The following GRHL1 variants were observed in gnomAD, a reference collection of about 807,000 sequenced individuals.
The protein encoded by GRHL1 is grainyhead-like protein 1 homolog.
Under a neutral mutation model 75.7 loss-of-function variants are expected in GRHL1, and 38 were observed. The observed-to-expected ratio is 0.50, with a 90% CI of 0.39 to 0.66. The LOEUF is 0.66. Among genes scored for constraint, GRHL1 ranks in the 30% least tolerant of loss-of-function variants. The probability of loss-of-function intolerance (pLI) is 0.00; values close to 1 mark genes in which losing one functional copy is unlikely to be tolerated. For synonymous variants in GRHL1, 266 were observed against 279.4 expected, an observed-to-expected ratio of 0.95 and a Z score of 0.48; for missense variants, 589 against 767.5, an observed-to-expected ratio of 0.77 and a Z score of 2.75.
rs1667403448 is a variant in GRHL1 at position 9,964,412 on chromosome 2, A to AT, written c.1015+71dup. The AT allele has an allele frequency of 3.4e-6, 3 of 871,186 alleles. No individual in the cohort carries two copies. In the Admixed American group the frequency reaches 7.1e-5, roughly 21 times the overall value. The allele number at this position is 871,186 out of a possible 1,614,324, so 54.0% of individuals were successfully genotyped here. On this transcript the variant is annotated intron_variant, in intron 7 of 15. Coordinates refer to ENST00000324907, the MANE Select transcript of GRHL1 (RefSeq NM_198182.3). ...GCCATCCAGTTTTCTAAATCCAATT[A>AT]TTTTTGGCAGTGATCAGCTTCCTGC... is the stretch of plus-strand genomic sequence containing the variant.
intron 4 of GRHL1, among the ~76,000 whole-genome samples, chr2:9,961,816 A>G (rs4669512): frequency 0.94 from 143,033 of 152,186 alleles, 67,295 homozygotes; most frequent in East Asian, 1. Context: ...GAGTTATTAT[A>G]TCTTTGCTTG....
intron 8 of GRHL1, among the ~76,000 whole-genome samples, chr2:9,980,164 GT>G (rs35509780): frequency 2.7e-5 from 4 of 147,106 alleles, no homozygotes; most frequent in South Asian, 2.2e-4. Context: ...TTGGTGGTTT[GT>G]TTTTTTTTTG....
At chr2:9,973,844 G>A (rs1236130374) in intron 8 of GRHL1, among the ~76,000 whole-genome samples, 1 of 152,190 alleles carries the variant, frequency 6.6e-6, no homozygotes, top group Non-Finnish European at 1.5e-5. Context: ...AGAGGCAACT[G>A]GGCCTGTGTC....
intron 15 of GRHL1, among the ~76,000 whole-genome samples, chr2:9,999,562 A>C (rs945171859): frequency 3.9e-5 from 6 of 152,234 alleles, no homozygotes; most frequent in Non-Finnish European, 8.8e-5. Context: ...TGAGGCTCAG[A>C]GTTCAAGAGG....
chr2:9,977,514 G>T (rs920478687), intron 8 of GRHL1, among the ~76,000 whole-genome samples: 10 of 152,284 alleles, frequency 6.6e-5, no homozygotes, highest in African/African-American at 2.2e-4. Flanking sequence ...TAGAGACAGG[G>T]TTTCACCATG....
intron 1 of GRHL1, chr2:9,952,935 A>G (rs1666854702): frequency 4.5e-6 from 2 of 443,880 alleles, no homozygotes; most frequent in South Asian, 1.6e-5. Flanking sequence ...TGCCTGAAAC[A>G]TATTTCAGAA....
At chr2:9,965,616 C>T (rs1667460402) in intron 8 of GRHL1, 2 of 493,422 alleles carry the variant, frequency 4.1e-6, no homozygotes, top group East Asian at 3.1e-5. Context: ...CACTCTGCCA[C>T]TCCTGCCTGT....
At chr2:9,957,226 G>A (rs563202377) in intron 2 of GRHL1, among the ~76,000 whole-genome samples, 74 of 151,936 alleles carry the variant, frequency 4.9e-4, no homozygotes, top group East Asian at 7.7e-4. Context: ...CCTGGCCTCA[G>A]GTAATCTTCC....
At position 9,971,875 on chromosome 2, in the gene GRHL1, T is replaced by A. The variant is rs144833988; in HGVS notation, c.1110+6494T>A. Among the ~76,000 whole-genome samples the A allele has an allele frequency of 4.3e-3, 650 of 152,370 alleles. 3 individuals are homozygous for A. Among genetic ancestry groups the A allele is most frequent in the African/African-American group, 0.014 (586 of 41,592 alleles). On this transcript the variant is annotated intron_variant, in intron 8 of 15. Coordinates refer to ENST00000324907, the MANE Select transcript of GRHL1 (RefSeq NM_198182.3). ...GCTGTTCTGGGGGTGATTGTGAGGA[T>A]GATTTCTCCTAGAAACTTCTAATTT...
intron 14 of GRHL1, among the ~76,000 whole-genome samples, chr2:9,997,339 G>C (rs1397155016): frequency 6.6e-6 from 1 of 152,300 alleles, no homozygotes; most frequent in African/African-American, 2.4e-5. Context: ...CAGGGAGATG[G>C]GGCGTGGGTT....
chr2:9,989,991 G>A (rs1223118145), intron 9 of GRHL1, among the ~76,000 whole-genome samples: 1 of 152,118 alleles, frequency 6.6e-6, no homozygotes, highest in African/African-American at 2.4e-5. Flanking sequence ...GGCCATATAG[G>A]AGAGTATACT....
Position 9,976,006 on chromosome 2 carries a change from A to G in GRHL1, c.1111-10118A>G, listed in dbSNP as rs569358364. 5.3e-5 allele frequency among the ~76,000 whole-genome samples: 8 copies of G among 152,340 alleles called. 1 individual carries two copies. In the South Asian group the frequency reaches 1.7e-3, roughly 32 times the overall value. ...ATGGGTCCAAAATAGTACCAATTTC[A>G]TAGGTGTTTTTGAGGGTCAAAGAAT... On this transcript the variant is annotated intron_variant, in intron 8 of 15. Transcript: ENST00000324907.
chr2:9,995,731 CT>C, intron 12 of GRHL1, 147 bp from the exon 13 acceptor site: 1 of 631,944 alleles, frequency 1.6e-6, no homozygotes, highest in Non-Finnish European at 2.8e-6. Flanking sequence ...TTCCTTTAGC[CT>C]GATTTTTCAT....
chr2:9,993,258 T>A lies in GRHL1; in HGVS notation c.1499+14T>A. On this transcript the variant is annotated intron_variant, in intron 12 of 15. Coordinates refer to ENST00000324907, the MANE Select transcript of GRHL1 (RefSeq NM_198182.3). ...GGAGGGTGAAGGGTAAGATTTATGT[T>A]TTGTTTTGTTTTGTTTTAATAATGG... 1.3e-6 allele frequency: 2 copies of A among 1,591,370 alleles called. No homozygotes were observed. Among genetic ancestry groups the A allele is most frequent in the Non-Finnish European group, 1.7e-6 (2 of 1,159,330 alleles).
chr2:9,978,296 T>C (rs3791760), intron 8 of GRHL1, among the ~76,000 whole-genome samples: 52,656 of 151,858 alleles, frequency 0.35, 10,171 homozygotes, highest in African/African-American at 0.52. Context: ...CAGCTGAGAG[T>C]GTGAGGGATT....
In GRHL1 at chr2:9,990,624, T is replaced by G; in HGVS notation, c.1270-72T>G. On this transcript the variant is annotated intron_variant, in intron 9 of 15. Coordinates refer to ENST00000324907, the MANE Select transcript of GRHL1 (RefSeq NM_198182.3). This position sits in a 1 kb window ranked among gnomAD's most constrained non-coding sequence, Gnocchi z 4.2. ...GGAGAAAGGCTTCTTCTTCCATTGGTCAGGATAAGAGTTAAATATTTTAAA... is the reference window on the plus strand; with the variant it reads ...GGAGAAAGGCTTCTTCTTCCATTGGGCAGGATAAGAGTTAAATATTTTAAA... The G allele has an allele frequency of 2.3e-6, 2 of 878,106 alleles. No homozygotes were observed. Among genetic ancestry groups the G allele is most frequent in the East Asian group, 5.5e-5 (2 of 36,510 alleles). 54.4% of individuals were successfully genotyped at this position (878,106 alleles called of 1,614,324 possible).
At chr2:9,989,787 G>A (rs1179153076) in intron 9 of GRHL1, among the ~76,000 whole-genome samples, 1 of 151,868 alleles carries the variant, frequency 6.6e-6, no homozygotes, top group Non-Finnish European at 1.5e-5. Flanking sequence ...TGGCCTCAAG[G>A]GATCCACCCA....
In GRHL1 at chr2:9,961,440, A is replaced by G; in HGVS notation, c.669+4A>G. 6.3e-7 allele frequency: 1 copy of G among 1,595,084 alleles called. No individual in the cohort carries two copies. Among genetic ancestry groups the G allele is most frequent in the Non-Finnish European group, 8.6e-7 (1 of 1,166,470 alleles). On this transcript the variant is annotated splice_donor_region_variant and intron_variant, in intron 4 of 15. Transcript: ENST00000324907. ...CTTCAAGGAAGGCGTTCAGGAGGTA[A>G]GGAAACAAAAACATCTTCCTAAGAC...
chr2:9,989,469 G>A (rs1668552250), intron 9 of GRHL1, among the ~76,000 whole-genome samples: 1 of 152,184 alleles, frequency 6.6e-6, no homozygotes, highest in Non-Finnish European at 1.5e-5. Flanking sequence ...GTTGTTGTGG[G>A]TTCAGCTGCA....
Sources: gnomAD v4.1 joint callset for allele counts (sites outside exome capture counted in the v4.1 genomes callset) on GRCh38, gnomAD v4.1.1 for gene constraint, Gnocchi (gnomAD v3.1) non-coding constraint, MANE v1.5 for transcripts, NCBI Gene and HGNC (gene_info 2026-07-23, HGNC 2026-07-21) for gene names.